LRP2: variants seen among roughly 807,000 people sequenced by gnomAD.
The protein encoded by LRP2 is low-density lipoprotein receptor-related protein 2.
LRP2 carries 172 observed loss-of-function variants against 531.0 expected under a neutral mutation model. The ratio of observed to expected loss-of-function variants is 0.32; its 90% CI spans 0.29 to 0.37. LRP2 has a LOEUF of 0.37. LRP2 is among the 10% of genes least tolerant of loss of function. The pLI is 1.00. For missense variants in LRP2, 5,167 were observed against 5,868.3 expected (o/e 0.88, Z 3.90); for synonymous variants, 1,992 against 2,027.6 (o/e 0.98, Z 0.47).
Position 169,275,051 on chromosome 2 carries a change from G to A in LRP2, c.1960C>T (p.Leu654Phe). The change falls in exon 14 of 79, where the codon CTC becomes TTC. Residue 654 changes from leucine (L) to phenylalanine (F), a missense_variant. By Grantham distance (22) the Leu-to-Phe change is conservative. Around this residue, in one of 6 missense-constraint regions of LRP2, gnomAD observed 2,811 missense variants for 3,058.0 expected, o/e 0.92. Coordinates refer to ENST00000649046, the MANE Select transcript of LRP2 (RefSeq NM_004525.3). The stretch of plus-strand genomic sequence containing the variant: ...TGAGGCTTACCATAGGGCTGTCTGA[G>A]GGAATGGTAAACAGTCACTCCATAG... ...RPYGVTVYHSLRQPYATNPCK... is the reference protein window; with the variant it reads ...RPYGVTVYHSFRQPYATNPCK... 1 of 1,613,570 alleles carries A rather than the reference G, an allele frequency of 6.2e-7. No homozygotes were observed. Among genetic ancestry groups the A allele is most frequent in the Non-Finnish European group, 8.5e-7 (1 of 1,179,688 alleles).
At chr2:169,175,693 T>C in intron 54 of LRP2, among the ~76,000 whole-genome samples, 1 of 152,162 alleles carries the variant, frequency 6.6e-6, no homozygotes, top group African/African-American at 2.4e-5. Context: ...AGCTGTGTTC[T>C]AGGAGCAGTG....
chr2:169,284,256 C>CTTTTTTTTTTTTTTTTTTTTTTTTTTTTT (rs1216987363), intron 9 of LRP2, among the ~76,000 whole-genome samples: 15 of 96,656 alleles, frequency 1.6e-4, no homozygotes, highest in African/African-American at 6.2e-4. Flanking sequence ...TCTTTTTTTT[C>CTTTTTTTTTTTTTTTTTTTTTTTTTTTTT]TTTTTTTTTT....
chr2:169,350,277 C>A lies in LRP2; in HGVS notation c.79+12044G>T, dbSNP rs74716180. 3.5e-3 allele frequency among the ~76,000 whole-genome samples: 526 copies of A among 152,240 alleles called. 3 individuals carry two copies. Among genetic ancestry groups the A allele is most frequent in the African/African-American group, 0.012 (508 of 41,512 alleles). ...TGGAGATCAGGAGTTCAATTTCAGA[C>A]ATGTGAAGTCTGAGATGACTATTGG... On this transcript the variant is annotated intron_variant, in intron 1 of 78. Transcript: ENST00000649046.
intron 14 of LRP2, among the ~76,000 whole-genome samples, chr2:169,274,712 A>C (rs904516507): frequency 2.0e-5 from 3 of 152,132 alleles, no homozygotes; most frequent in African/African-American, 7.2e-5. Flanking sequence ...TGTCTTTCCC[A>C]GTAGAATGAG....
intron 10 of LRP2, among the ~76,000 whole-genome samples, chr2:169,281,571 T>G (rs1683705128): frequency 1.3e-5 from 2 of 151,272 alleles, no homozygotes; most frequent in South Asian, 4.2e-4. Flanking sequence ...ATACAAAAAT[T>G]AGCTGGGTGT....
chr2:169,360,855 G>A (rs1281245408), intron 1 of LRP2, among the ~76,000 whole-genome samples: 1 of 152,148 alleles, frequency 6.6e-6, no homozygotes, highest in Non-Finnish European at 1.5e-5. Flanking sequence ...AGGAGTTGCT[G>A]TATAATTACT....
intron 33 of LRP2, among the ~76,000 whole-genome samples, chr2:169,224,278 C>T (rs1415706516): frequency 6.6e-6 from 1 of 152,150 alleles, no homozygotes; most frequent in Non-Finnish European, 1.5e-5. Flanking sequence ...AAAAACTTCT[C>T]CTTGTTTTGG....
Position 169,157,957 on chromosome 2 carries a change from T to A in LRP2, c.11888-455A>T, listed in dbSNP as rs10930346. ...ATAAATAAATAAATAAATAAATAAA[T>A]AAAAGACATGGATACAGATAGGTTA... is the stretch of plus-strand genomic sequence containing the variant. On this transcript the variant is annotated intron_variant, in intron 63 of 78. Coordinates refer to ENST00000649046, the MANE Select transcript of LRP2 (RefSeq NM_004525.3). 3.4e-3 allele frequency among the ~76,000 whole-genome samples: 493 copies of A among 146,036 alleles called. 3 individuals carry two copies. Among genetic ancestry groups the A allele is most frequent in the East Asian group, 0.016 (74 of 4,764 alleles).
intron 46 of LRP2, among the ~76,000 whole-genome samples, chr2:169,195,617 T>C (rs1490505642): frequency 6.6e-6 from 1 of 152,354 alleles, no homozygotes; most frequent in African/African-American, 2.4e-5. Flanking sequence ...ATGGCTTTTG[T>C]TACCATAGAG....
Position 169,216,237 on chromosome 2 carries a change from G to C in LRP2, c.5826+16C>G. ...AGCTCAGCATAAAGACCAAAAGACT[G>C]AAAGGGTGCTCATACCACTCCTCTT... On this transcript the variant is annotated intron_variant, in intron 35 of 78. Transcript: ENST00000649046. The C allele has an allele frequency of 6.2e-7, 1 of 1,612,948 alleles. No homozygotes were observed. Among genetic ancestry groups the C allele is most frequent in the Non-Finnish European group, 8.5e-7 (1 of 1,179,302 alleles).
intron 60 of LRP2, 121 bp downstream of exon 60, chr2:169,169,581 T>C: frequency 1.3e-6 from 1 of 797,302 alleles, no homozygotes; most frequent in South Asian, 1.4e-5. Flanking sequence ...TCATTATCAG[T>C]GCATGCTGAA....
In LRP2 at chr2:169,186,031, A is replaced by T; in HGVS notation, c.9329-12T>A. Reference sequence around the variant, plus strand: ...GCATTCATTAATGCCTGTAGGTAAAAAGCAGTTCTTAGAGATCCTAAAATA... The same window carrying T: ...GCATTCATTAATGCCTGTAGGTAAATAGCAGTTCTTAGAGATCCTAAAATA... On this transcript the variant is annotated splice_polypyrimidine_tract_variant and intron_variant, in intron 49 of 78. Coordinates refer to ENST00000649046, the MANE Select transcript of LRP2 (RefSeq NM_004525.3). The T allele has an allele frequency of 6.2e-7, 1 of 1,612,250 alleles. No homozygotes were observed. Among genetic ancestry groups the T allele is most frequent in the Non-Finnish European group, 8.5e-7 (1 of 1,179,774 alleles).
chr2:169,200,195 G>A (rs1315510982), intron 44 of LRP2, among the ~76,000 whole-genome samples: 1 of 152,186 alleles, frequency 6.6e-6, no homozygotes, highest in Non-Finnish European at 1.5e-5. Context: ...AGCTTGCAGT[G>A]AGCTGAGATC....
chr2:169,232,633 G>A (rs548166385), intron 30 of LRP2, among the ~76,000 whole-genome samples: 1 of 152,130 alleles, frequency 6.6e-6, no homozygotes. Context: ...GTCAATGAGG[G>A]CCTCTCTGAG....
At chr2:169,129,161 T>C (rs1685197552) in intron 77 of LRP2, 77 bp from the exon 78 acceptor site, 1 of 1,067,446 alleles carries the variant, frequency 9.4e-7, no homozygotes, top group Non-Finnish European at 1.5e-6. Flanking sequence ...TGTCTCAGTT[T>C]TAAAATTTCT....
chr2:169,139,757 T>C, intron 72 of LRP2, 147 bp from the exon 73 acceptor site: 1 of 758,840 alleles, frequency 1.3e-6, no homozygotes, highest in Non-Finnish European at 2.3e-6. Flanking sequence ...TTTTGTTCAT[T>C]CTGCCAAGAG....
rs548442503 is a variant in LRP2, at chr2:169,268,952, A to C, written c.2320+1952T>G. On this transcript the variant is annotated intron_variant, in intron 16 of 78. Coordinates refer to ENST00000649046, the MANE Select transcript of LRP2 (RefSeq NM_004525.3). ...GCAAAAATCACAAGCATTCCTATAC[A>C]CCAATAACAGACAAACAGAGAGCCA... Among the ~76,000 whole-genome samples the C allele has an allele frequency of 7.9e-5, 12 of 152,268 alleles. No homozygotes were observed. The South Asian group carries it at 1.0e-3, about 13-fold the overall frequency.
In LRP2 at chr2:169,173,289, A is replaced by G. The variant is rs1687068529; in HGVS notation, c.11015-65T>C. The G allele has an allele frequency of 3.7e-6, 6 of 1,601,426 alleles. No homozygotes were observed. In the East Asian group the frequency reaches 1.3e-4, roughly 36 times the overall value. ...CAAGAAAGCACCTTTCCATTGTCAC[A>G]TTGAGGTTGTGGTACTGAGGAATAA... On this transcript the variant is annotated intron_variant, in intron 56 of 78. Transcript: ENST00000649046.
In LRP2 at chr2:169,150,916, G is replaced by A. The variant is rs1249034284; in HGVS notation, c.12572C>T (p.Ala4191Val). 6.2e-7 allele frequency: 1 copy of A among 1,614,074 alleles called. No homozygotes were observed. The highest frequency in any genetic ancestry group is 2.2e-5 in the East Asian group (1 of 44,884). Reference protein sequence around the residue: ...STDLDQPAAIAVNPKLGLMFW... With the variant: ...STDLDQPAAIVVNPKLGLMFW... ...TACTTACCCTAGTTTGGGATTCACA[G>A]CAATAGCAGCTGGTTGGTCCAGGTC... Residue 4191 changes from alanine (A) to valine (V), a missense_variant, in exon 68 of 79, where the codon GCT becomes GTT. Ala to Val is a moderately conservative substitution (Grantham distance 64). Transcript: ENST00000649046.
Sources: allele counts gnomAD v4.1 joint callset (sites outside exome capture counted in the v4.1 genomes callset), GRCh38; gene constraint gnomAD v4.1.1; regional missense constraint gnomAD v4.1.1; transcripts MANE v1.5; gene names NCBI Gene and HGNC (gene_info 2026-07-23, HGNC 2026-07-21).